Variants in OTOGL observed in about 807,000 individuals in gnomAD.
The protein encoded by OTOGL is otogelin-like protein.
Under a neutral mutation model 318.5 loss-of-function variants are expected in OTOGL, and 285 were observed. That is an observed-to-expected ratio of 0.89 (90% CI 0.81 to 0.99). OTOGL has a LOEUF of 0.99. OTOGL is among the 50% of genes least tolerant of loss of function. The probability of loss-of-function intolerance (pLI) is 0.00; values close to 1 mark genes in which losing one functional copy is unlikely to be tolerated. For missense variants in OTOGL, 2,899 were observed against 2,845.6 expected, an observed-to-expected ratio of 1.02 and a Z score of -0.43; for synonymous variants, 987 against 936.5, an observed-to-expected ratio of 1.05 and a Z score of -0.99.
intron 1 of OTOGL, among the ~76,000 whole-genome samples, chr12:80,188,333 T>A (rs1875440545): frequency 6.6e-6 from 1 of 151,538 alleles, no homozygotes; most frequent in African/African-American, 2.4e-5. Flanking sequence ...AGGTCAGGAG[T>A]TCGAGACCAG....
At chr12:80,229,474 AG>A in intron 8 of OTOGL, 96 bp downstream of exon 8, 3 of 1,418,590 alleles carry the variant, frequency 2.1e-6, no homozygotes, top group Non-Finnish European at 2.9e-6. Context: ...GAGTAGGAAG[AG>A]AGGATTTCTT....
chr12:80,197,846 A>C (rs1442464640), intron 1 of OTOGL, among the ~76,000 whole-genome samples: 1 of 152,162 alleles, frequency 6.6e-6, no homozygotes, highest in Non-Finnish European at 1.5e-5. Context: ...CTCTTTCCTC[A>C]CTGGGGACTC....
At chr12:80,285,919 G>A (rs1884584987) in intron 26 of OTOGL, among the ~76,000 whole-genome samples, 1 of 152,144 alleles carries the variant, frequency 6.6e-6, no homozygotes, top group Admixed American at 6.5e-5. Context: ...TTGAATAAGA[G>A]TGGTAAGAGG....
At chr12:80,124,924 G>T (rs372318933) in intron 1 of OTOGL, among the ~76,000 whole-genome samples, 8 of 152,152 alleles carry the variant, frequency 5.3e-5, no homozygotes, top group East Asian at 1.9e-4. Context: ...CTTATCAGCT[G>T]AAGGAGATTT....
At position 80,238,832 on chromosome 12, in the gene OTOGL, G is replaced by A; in HGVS notation, c.818-19G>A. ...TACACCTATTTGTGTGTGTGTGTGT[G>A]TGTGCCTGTGTGAAATAGAGGACTA... On this transcript the variant is annotated intron_variant, in intron 9 of 58. Coordinates refer to ENST00000547103, the MANE Select transcript of OTOGL (RefSeq NM_001378609.3). 2 of 1,520,050 alleles carry A rather than the reference G, an allele frequency of 1.3e-6. No individual in the cohort carries two copies. The highest frequency in any genetic ancestry group is 1.2e-5 in the South Asian group (1 of 80,884). The allele number at this position is 1,520,050 out of a possible 1,614,324, so 94.2% of individuals were successfully genotyped here. A position where few individuals can be genotyped will look rare whatever the true frequency, so the allele number is the denominator to read the frequency against.
chr12:80,183,454 A>G (rs1437422636), intron 1 of OTOGL, among the ~76,000 whole-genome samples: 1 of 152,166 alleles, frequency 6.6e-6, no homozygotes, highest in Non-Finnish European at 1.5e-5. Context: ...ACTAAAATGG[A>G]TAATAGAGAT....
intron 52 of OTOGL, chr12:80,360,929 T>C (rs1298300232): frequency 6.6e-6 from 1 of 152,038 alleles, no homozygotes; most frequent in Non-Finnish European, 1.5e-5. Flanking sequence ...CATTATGGAA[T>C]AGCTAAATTG....
intron 29 of OTOGL, among the ~76,000 whole-genome samples, chr12:80,308,184 G>A (rs565099131): frequency 4.1e-4 from 62 of 150,510 alleles, no homozygotes; most frequent in Non-Finnish European, 7.0e-4. Flanking sequence ...GTGGCTGCCG[G>A]GCGGAGACAC....
intron 52 of OTOGL, among the ~76,000 whole-genome samples, chr12:80,365,177 A>T (rs1050648313): frequency 6.6e-6 from 1 of 152,092 alleles, no homozygotes. Flanking sequence ...AAATGAAAAC[A>T]TATGTCCACA....
intron 1 of OTOGL, among the ~76,000 whole-genome samples, chr12:80,181,546 C>T (rs1403380398): frequency 1.3e-5 from 2 of 151,940 alleles, no homozygotes; most frequent in Admixed American, 6.6e-5. Context: ...TTTAGAGACT[C>T]GAGGTTTAAG....
chr12:80,108,286 GATTA>G (rs990844673), intron 1 of OTOGL, among the ~76,000 whole-genome samples: 2 of 151,820 alleles, frequency 1.3e-5, no homozygotes, highest in South Asian at 2.1e-4. Context: ...CAGTAATTCT[GATTA>G]ATTATTCTGT....
chr12:80,344,011 A>G (rs1639141007), intron 44 of OTOGL, among the ~76,000 whole-genome samples: 1 of 152,176 alleles, frequency 6.6e-6, no homozygotes, highest in Non-Finnish European at 1.5e-5. Context: ...ACTGTGAATG[A>G]CTTTTGATGC....
intron 1 of OTOGL, among the ~76,000 whole-genome samples, chr12:80,112,712 T>C (rs971533941): frequency 6.6e-6 from 1 of 150,478 alleles, no homozygotes; most frequent in Non-Finnish European, 1.5e-5. Flanking sequence ...TTTCTTTCTT[T>C]TTTTTTTTTT....
At chr12:80,239,255 A>C in intron 10 of OTOGL, 78 bp from the exon 11 acceptor site, 1 of 1,173,338 alleles carries the variant, frequency 8.5e-7, no homozygotes, top group South Asian at 1.6e-5. Flanking sequence ...AATCTTGCAA[A>C]TAGATCTGTA....
intron 1 of OTOGL, among the ~76,000 whole-genome samples, chr12:80,185,168 A>G (rs1875196579): frequency 6.6e-6 from 1 of 152,172 alleles, no homozygotes; most frequent in African/African-American, 2.4e-5. Flanking sequence ...AATCAGGAAA[A>G]TGGGCTGGTA....
chr12:80,222,340 AATAAT>A (rs1878431705), intron 7 of OTOGL, 95 bp downstream of exon 7: 1 of 1,189,320 alleles, frequency 8.4e-7, no homozygotes, highest in South Asian at 1.7e-5. Context: ...AATATATACT[AATAAT>A]AGAATGAATA....
intron 50 of OTOGL, 29 bp downstream of exon 50, chr12:80,358,378 T>G: frequency 6.7e-7 from 1 of 1,490,154 alleles, no homozygotes; most frequent in Non-Finnish European, 9.2e-7. Flanking sequence ...TTCTAAAATA[T>G]TTAGATGTGT....
Position 80,313,466 on chromosome 12 carries a change from C to A in OTOGL, c.3451-10C>A, listed in dbSNP as rs1409330151. On this transcript the variant is annotated splice_polypyrimidine_tract_variant and intron_variant, in intron 30 of 58. Coordinates refer to ENST00000547103, the MANE Select transcript of OTOGL (RefSeq NM_001378609.3). The stretch of plus-strand genomic sequence containing the variant: ...ATTGAAATTAAGTAATCTTTCACCT[C>A]ATTTTTCAGATTGACGTTACTTCTT... 1 of 1,597,764 alleles carries A rather than the reference C, an allele frequency of 6.3e-7. No individual in the cohort carries two copies.
At chr12:80,158,039 T>G (rs1050677892) in intron 1 of OTOGL, among the ~76,000 whole-genome samples, 1 of 152,108 alleles carries the variant, frequency 6.6e-6, no homozygotes, top group African/African-American at 2.4e-5. Context: ...ATAAACTAAG[T>G]AGAAATTAGT....
Sources: allele counts gnomAD v4.1 joint callset (sites outside exome capture counted in the v4.1 genomes callset), GRCh38; gene constraint gnomAD v4.1.1; transcripts MANE v1.5; gene names NCBI Gene and HGNC (gene_info 2026-07-23, HGNC 2026-07-21).